Variants in SLC25A48 observed in about 807,000 individuals in gnomAD.
SLC25A48 encodes solute carrier family 25 member 48.
SLC25A48 carries 29 observed loss-of-function variants against 32.2 expected under a neutral mutation model. The observed-to-expected ratio is 0.90, with a 90% CI of 0.67 to 1.23. The LOEUF is 1.23. Ranked by LOEUF, SLC25A48 falls within the 50% of genes most tolerant of loss-of-function variation. SLC25A48 has a pLI of 0.00. For missense variants in SLC25A48, 399 were observed against 422.7 expected (o/e 0.94, Z 0.49); for synonymous variants, 164 against 172.3 (o/e 0.95, Z 0.38).
chr5:135,730,256 C>G (rs1459359291), intron 3 of SLC25A48, among the ~76,000 whole-genome samples: 1 of 152,150 alleles, frequency 6.6e-6, no homozygotes, highest in Admixed American at 6.5e-5. Flanking sequence ...ATCTTGAATT[C>G]CCACATGTTA....
intron 3 of SLC25A48, among the ~76,000 whole-genome samples, chr5:135,656,272 C>CTG (rs141296038): frequency 0.058 from 8,847 of 152,178 alleles, 467 homozygotes; most frequent in African/African-American, 0.14. Context: ...GGCCAGCACA[C>CTG]GGGAAGGTGT....
chr5:135,662,246 C>T (rs1199213165), intron 3 of SLC25A48, among the ~76,000 whole-genome samples: 1 of 152,098 alleles, frequency 6.6e-6, no homozygotes, highest in African/African-American at 2.4e-5. Context: ...AAATCAGGAT[C>T]CTAGTAACCC....
intron 1 of SLC25A48, among the ~76,000 whole-genome samples, chr5:135,601,958 G>A (rs1751807085): frequency 6.6e-6 from 1 of 152,212 alleles, no homozygotes; most frequent in Non-Finnish European, 1.5e-5. Flanking sequence ...GGTTTATAGT[G>A]AGGAATAACT....
At chr5:135,847,739 G>C (rs547360807) in intron 2 of SLC25A48, among the ~76,000 whole-genome samples, 5 of 152,234 alleles carry the variant, frequency 3.3e-5, no homozygotes, top group African/African-American at 9.6e-5. Context: ...CAAAAGCTGG[G>C]GGAGACAAGA....
chr5:135,640,505 G>A (rs2521963), intron 3 of SLC25A48, among the ~76,000 whole-genome samples: 71,468 of 151,850 alleles, frequency 0.47, 17,013 homozygotes, highest in South Asian at 0.51. Context: ...AAAACCTTCC[G>A]CATGATACAA....
At chr5:135,616,506 A>G (rs918055588) in intron 1 of SLC25A48, among the ~76,000 whole-genome samples, 1 of 152,240 alleles carries the variant, frequency 6.6e-6, no homozygotes, top group Non-Finnish European at 1.5e-5. Context: ...GCATGTTTCA[A>G]ACTGTAGCCC....
chr5:135,866,806 C>T (rs779751061), intron 4 of SLC25A48, among the ~76,000 whole-genome samples: 3 of 152,200 alleles, frequency 2.0e-5, no homozygotes, highest in Non-Finnish European at 2.9e-5. Context: ...CAGTGGGTTG[C>T]TATTTTCATT....
At chr5:135,763,524 T>A (rs1256296331) in intron 3 of SLC25A48, among the ~76,000 whole-genome samples, 1 of 151,604 alleles carries the variant, frequency 6.6e-6, no homozygotes, top group Non-Finnish European at 1.5e-5. Context: ...GGAGGCAACG[T>A]GATATTCTAT....
At chr5:135,771,076 G>T (rs961653226) in intron 3 of SLC25A48, among the ~76,000 whole-genome samples, 2 of 148,900 alleles carry the variant, frequency 1.3e-5, no homozygotes, top group African/African-American at 5.0e-5. Flanking sequence ...GGGAGAGAAT[G>T]ATATTACTTT....
In SLC25A48 at chr5:135,741,026, C is replaced by T. The variant is rs142552990; in HGVS notation, c.-520-71497C>T. 9.5e-3 allele frequency among the ~76,000 whole-genome samples: 1,454 copies of T among 152,304 alleles called. 15 individuals are homozygous for T. Among genetic ancestry groups the T allele is most frequent in the Non-Finnish European group, 0.014 (965 of 68,036 alleles). ...GAAATAAAGTAATAAAAATGGCCAT[C>T]ACAGATATTTACTGAACATTTACTA... On this transcript the variant is annotated intron_variant, in intron 3 of 10. Transcript: ENST00000646290.
chr5:135,797,336 G>A (rs1372125379), intron 3 of SLC25A48, among the ~76,000 whole-genome samples: 1 of 151,836 alleles, frequency 6.6e-6, no homozygotes. Context: ...GATATTGCAG[G>A]GGGTTTACAC....
intron 4 of SLC25A48, among the ~76,000 whole-genome samples, chr5:135,862,100 A>G (rs1462259668): frequency 6.6e-6 from 1 of 152,152 alleles, no homozygotes; most frequent in Non-Finnish European, 1.5e-5. Flanking sequence ...GTTGGGCATG[A>G]GCCTAACTAG....
intron 1 of SLC25A48, among the ~76,000 whole-genome samples, chr5:135,611,523 A>AAAAAAGAAAAAG (rs1752067388): frequency 5.7e-5 from 8 of 139,460 alleles, no homozygotes; most frequent in African/African-American, 2.3e-4. Flanking sequence ...AAAAAAAAAA[A>AAAAAAGAAAAAG]AAAAGAAAAA....
At chr5:135,674,647 C>G (rs1753727212) in intron 3 of SLC25A48, among the ~76,000 whole-genome samples, 1 of 151,878 alleles carries the variant, frequency 6.6e-6, no homozygotes, top group Non-Finnish European at 1.5e-5. Context: ...CCAGTTCTGA[C>G]CATGTTGCTG....
At chr5:135,764,185 A>G (rs1444366688) in intron 3 of SLC25A48, among the ~76,000 whole-genome samples, 5 of 152,006 alleles carry the variant, frequency 3.3e-5, no homozygotes, top group Non-Finnish European at 5.9e-5. Flanking sequence ...GGGGGTGTAC[A>G]TCCCCCAGTG....
intron 3 of SLC25A48, among the ~76,000 whole-genome samples, chr5:135,728,259 A>C (rs1293176349): frequency 6.9e-6 from 1 of 145,498 alleles, no homozygotes; most frequent in South Asian, 2.1e-4. Context: ...CTGTCTCAAA[A>C]AAAAAAAAAA....
intron 1 of SLC25A48, among the ~76,000 whole-genome samples, chr5:135,594,881 A>G (rs1751609323): frequency 6.6e-6 from 1 of 152,202 alleles, no homozygotes; most frequent in Non-Finnish European, 1.5e-5. Context: ...CCTGTTAGGC[A>G]GGAGGCCCAA....
At chr5:135,783,749 G>A (rs1359867385) in intron 3 of SLC25A48, among the ~76,000 whole-genome samples, 1 of 118,854 alleles carries the variant, frequency 8.4e-6, no homozygotes, top group African/African-American at 2.6e-5. Context: ...AGGGAAGGAG[G>A]ATAATATTGC....
At chr5:135,829,615 C>G (rs1758152898) in intron 4 of SLC25A48, among the ~76,000 whole-genome samples, 1 of 140,576 alleles carries the variant, frequency 7.1e-6, no homozygotes, top group Non-Finnish European at 1.5e-5. Flanking sequence ...ATGAATATGG[C>G]ACAGTTGGAC....
Sources: gnomAD v4.1 joint callset for allele counts (sites outside exome capture counted in the v4.1 genomes callset) on GRCh38, gnomAD v4.1.1 for gene constraint, MANE v1.5 for transcripts, NCBI Gene and HGNC (gene_info 2026-07-23, HGNC 2026-07-21) for gene names.